PHLDB1: variants seen among roughly 807,000 people sequenced by gnomAD.
PHLDB1 encodes the protein pleckstrin homology-like domain family B member 1.
In PHLDB1, 65 loss-of-function variants were observed where a neutral mutation model predicts 139.3. The observed-to-expected ratio is 0.47, with a 90% CI of 0.38 to 0.57. The LOEUF is 0.57. Among genes scored for constraint, PHLDB1 ranks in the 20% least tolerant of loss-of-function variants. The probability of loss-of-function intolerance (pLI) is 0.00; values close to 1 mark genes in which losing one functional copy is unlikely to be tolerated. For missense variants in PHLDB1, 1,624 were observed against 1,839.7 expected, an observed-to-expected ratio of 0.88 and a Z score of 2.14; for synonymous variants, 679 against 734.5, an observed-to-expected ratio of 0.92 and a Z score of 1.22.
At chr11:118,607,070 G>C (rs534792601), upstream of PHLDB1, among the ~76,000 whole-genome samples, 6 of 152,156 alleles carry the variant, frequency 3.9e-5, no homozygotes, top group Admixed American at 6.5e-5. Flanking sequence ...AGGGCGAGGG[G>C]AGGAGGTGAC....
intron 1 of PHLDB1, among the ~76,000 whole-genome samples, chr11:118,612,919 G>A (rs1460106710): frequency 6.6e-6 from 1 of 152,150 alleles, no homozygotes; most frequent in African/African-American, 2.4e-5. Flanking sequence ...GGATGGGCAT[G>A]GGGGCATACA....
At chr11:118,623,769 T>C (rs1394428765) in intron 4 of PHLDB1, among the ~76,000 whole-genome samples, 2 of 152,096 alleles carry the variant, frequency 1.3e-5, no homozygotes, top group Non-Finnish European at 2.9e-5. Context: ...TGGAAGTTGC[T>C]GCCTCTCAGA....
chr11:118,639,215 C>T lies in PHLDB1; in HGVS notation c.2700C>T (p.Gly900=). 1 of 1,614,078 alleles carries T rather than the reference C, an allele frequency of 6.2e-7. No individual in the cohort carries two copies. Among genetic ancestry groups the T allele is most frequent in the African/African-American group, 1.3e-5 (1 of 75,056 alleles). Residue 900 remains glycine, a synonymous_variant, in exon 12 of 23, where the codon GGC becomes GGT. Coordinates refer to ENST00000600882, the MANE Select transcript of PHLDB1 (RefSeq NM_001144758.3). ...LERRYHSLTG[G]RPFPKTTSTL... ...GGAGATACCACTCACTCACAGGGGG[C>T]AGGCCTTTCCCGAAGACCACATCGA...
intron 4 of PHLDB1, among the ~76,000 whole-genome samples, chr11:118,623,707 C>CG (rs1482555069): frequency 6.6e-6 from 1 of 152,138 alleles, no homozygotes; most frequent in Non-Finnish European, 1.5e-5. Context: ...GTTCATCTGA[C>CG]TGATCCATGG....
chr11:118,649,028 C>T (rs1262026600), intron 18 of PHLDB1, among the ~76,000 whole-genome samples: 1 of 152,146 alleles, frequency 6.6e-6, no homozygotes, highest in Non-Finnish European at 1.5e-5. Flanking sequence ...TCTGTAATCC[C>T]AGCACTTTGG....
Position 118,628,519 on chromosome 11 carries a change from G to T in PHLDB1, c.1696G>T (p.Asp566Tyr). Residue 566 changes from aspartate to tyrosine, a missense_variant, in exon 6 of 23, where the codon GAC becomes TAC. Coordinates refer to ENST00000600882, the MANE Select transcript of PHLDB1 (RefSeq NM_001144758.3). ...PCVQRKLSSG[D>Y]LRVPVTRERK... Reference sequence around the variant, plus strand: ...TGTCCAGAGGAAGCTCTCCAGCGGGGACTTGCGGGTGCCTGTCACAAGGGA... The same window carrying T: ...TGTCCAGAGGAAGCTCTCCAGCGGGTACTTGCGGGTGCCTGTCACAAGGGA... 1.2e-6 allele frequency: 2 copies of T among 1,613,264 alleles called. No homozygotes were observed. Among genetic ancestry groups the T allele is most frequent in the Non-Finnish European group, 1.7e-6 (2 of 1,180,026 alleles).
Position 118,607,689 on chromosome 11 carries a change from C to A in PHLDB1, c.-32C>A, listed in dbSNP as rs4938515. 46,030 of 149,706 alleles carry A rather than the reference C, an allele frequency of 0.31. 7,721 individuals carry two copies. Among genetic ancestry groups the A allele is most frequent in the Admixed American group, 0.43 (6,455 of 15,082 alleles). 9.3% of individuals were successfully genotyped at this position (149,706 alleles called of 1,614,324 possible). ...GGGACCAGTGTCTCCCTGCCCCCCCCCCACCTCTAGGTAAGAGCGCCCCGT... is the reference window on the plus strand; with the variant it reads ...GGGACCAGTGTCTCCCTGCCCCCCCACCACCTCTAGGTAAGAGCGCCCCGT... On this transcript the variant is annotated 5_prime_UTR_variant, in exon 1 of 23. Coordinates refer to ENST00000600882, the MANE Select transcript of PHLDB1 (RefSeq NM_001144758.3).
intron 4 of PHLDB1, among the ~76,000 whole-genome samples, chr11:118,623,874 TTGTGTGTGTGTGTGTGTGTG>T (rs3222268): frequency 2.4e-4 from 34 of 141,286 alleles, no homozygotes; most frequent in African/African-American, 6.4e-4. Context: ...CTCTGAACAT[TTGTGTGTGTGTGTGTGTGTG>T]TGTGTGTGTG....
At chr11:118,639,331 C>A in intron 12 of PHLDB1, 80 bp downstream of exon 12, 1 of 987,742 alleles carries the variant, frequency 1.0e-6, no homozygotes, top group Non-Finnish European at 1.6e-6. Flanking sequence ...CACTTTCACC[C>A]CAGTAGCTGA....
At chr11:118,609,371 C>G (rs1356652919) in intron 1 of PHLDB1, among the ~76,000 whole-genome samples, 2 of 140,314 alleles carry the variant, frequency 1.4e-5, no homozygotes, top group Admixed American at 1.4e-4. Flanking sequence ...CTATCACACA[C>G]ACAGCTCAGC....
Position 118,645,112 on chromosome 11 carries a change from A to AC in PHLDB1, c.3122-243dup, listed in dbSNP as rs1195600509. ...TGGGTAGGTTTGGTGTCCTATATGGACTCAGGGTGCGAAAGAGCACTGAAG... is the reference window on the plus strand; with the variant it reads ...TGGGTAGGTTTGGTGTCCTATATGGACCTCAGGGTGCGAAAGAGCACTGAAG... On this transcript the variant is annotated intron_variant, in intron 15 of 22. Coordinates refer to ENST00000600882, the MANE Select transcript of PHLDB1 (RefSeq NM_001144758.3). This position sits in a 1 kb window ranked among gnomAD's most constrained non-coding sequence, Gnocchi z 5.1. 1 of 467,450 alleles carries AC rather than the reference A, an allele frequency of 2.1e-6. No homozygotes were observed. Among genetic ancestry groups the AC allele is most frequent in the East Asian group, 3.4e-5 (1 of 29,098 alleles). 29.0% of individuals were successfully genotyped at this position (467,450 alleles called of 1,614,324 possible).
Position 118,645,762 on chromosome 11 carries a change from C to G in PHLDB1, c.3444C>G (p.Ile1148Met), listed in dbSNP as rs139820418. The G allele has an allele frequency of 8.7e-6, 14 of 1,613,644 alleles. No individual in the cohort carries two copies. The South Asian group carries it at 1.1e-4, about 13-fold the overall frequency. The stretch of plus-strand genomic sequence containing the variant: ...CGAGTGGTCTGGACATGGGGAAGAT[C>G]GAGGAGATGGAGAAGATGCTGAAAG... ...SSASGLDMGK[I>M]EEMEKMLKEA... is the part of the protein sequence containing the mutation. Residue 1148 changes from isoleucine (I) to methionine (M), a missense_variant, in exon 17 of 23, where the codon ATC (isoleucine) becomes ATG (methionine). Ile to Met is a conservative substitution (Grantham distance 10, BLOSUM62 1). Coordinates refer to ENST00000600882, the MANE Select transcript of PHLDB1 (RefSeq NM_001144758.3). The surrounding 1 kb of genome is among the most constrained non-coding windows in gnomAD (Gnocchi z 5.1).
Position 118,643,904 on chromosome 11 carries a change from C to T in PHLDB1, c.2982C>T (p.Leu994=), listed in dbSNP as rs1241215328. The part of the protein sequence containing the change: ...SSGSSSSSSQ[L]SVATLGRSPS... ...GCTCTTCCTCCTCCTCCTCCCAGCT[C>T]AGCGTGGCTACCCTGGGGCGTAGCC... is the stretch of plus-strand genomic sequence containing the variant. Residue 994 remains leucine (L), a synonymous_variant, in exon 14 of 23, where the codon CTC becomes CTT. Transcript: ENST00000600882. The T allele has an allele frequency of 6.2e-7, 1 of 1,609,924 alleles. No homozygotes were observed. Among genetic ancestry groups the T allele is most frequent in the Non-Finnish European group, 8.5e-7 (1 of 1,178,026 alleles).
rs3016619 is a variant in PHLDB1 at position 118,611,832 on chromosome 11, A to T, written c.-21-1984A>T. ...AAACTCCGTCTCAAAAAAAAAAAAA[A>T]AATAATAATAATAATAATAAATGGC... On this transcript the variant is annotated intron_variant, in intron 1 of 22. Coordinates refer to ENST00000600882, the MANE Select transcript of PHLDB1 (RefSeq NM_001144758.3). This position sits in a 1 kb window ranked among gnomAD's most constrained non-coding sequence, Gnocchi z 4.7. 0.64 allele frequency among the ~76,000 whole-genome samples: 94,364 copies of T among 146,910 alleles called. 30,519 individuals carry two copies. Among genetic ancestry groups the T allele is most frequent in the East Asian group, 0.79 (3,990 of 5,074 alleles).
intron 4 of PHLDB1, among the ~76,000 whole-genome samples, chr11:118,617,770 T>TCAAG (rs1941952268): frequency 6.6e-6 from 1 of 152,044 alleles, no homozygotes; most frequent in Non-Finnish European, 1.5e-5. Flanking sequence ...TCTCTGACTT[T>TCAAG]GGATGAGAGG....
intron 4 of PHLDB1, among the ~76,000 whole-genome samples, chr11:118,623,626 A>G (rs1943246683): frequency 1.3e-5 from 2 of 152,132 alleles, no homozygotes; most frequent in South Asian, 4.1e-4. Flanking sequence ...GTCGCTCCCT[A>G]GACTTGCAGT....
At chr11:118,606,825 T>G (rs1939323256), upstream of PHLDB1, among the ~76,000 whole-genome samples, 1 of 152,196 alleles carries the variant, frequency 6.6e-6, no homozygotes, top group East Asian at 1.9e-4. Flanking sequence ...GTGTGCTCAA[T>G]TGTATGTCTA....
rs1260543630 is a variant in PHLDB1 at position 118,608,021 on chromosome 11, A to C, written c.-22+322A>C. On this transcript the variant is annotated intron_variant, in intron 1 of 22. Transcript: ENST00000600882. This position sits in a 1 kb window ranked among gnomAD's most constrained non-coding sequence, Gnocchi z 6.7. ...TATCCAGACTCTCCCGCCGGCACCC[A>C]GGCGGCCGGGCGGACACTCGCGGGG... is the stretch of plus-strand genomic sequence containing the variant. Among the ~76,000 whole-genome samples, 1 of 151,920 alleles carries C rather than the reference A, an allele frequency of 6.6e-6. No homozygotes were observed. Among genetic ancestry groups the C allele is most frequent in the Non-Finnish European group, 1.5e-5 (1 of 67,954 alleles).
At chr11:118,627,163 C>A in intron 5 of PHLDB1, 142 bp from the exon 6 acceptor site, 1 of 767,686 alleles carries the variant, frequency 1.3e-6, no homozygotes, top group South Asian at 1.7e-5. Context: ...AGTGGCAGAG[C>A]TAGCTGGTAC....
Sources: gnomAD v4.1 joint callset for allele counts (sites outside exome capture counted in the v4.1 genomes callset) on GRCh38, gnomAD v4.1.1 for gene constraint, Gnocchi (gnomAD v3.1) non-coding constraint, MANE v1.5 for transcripts, NCBI Gene and HGNC (gene_info 2026-07-23, HGNC 2026-07-21) for gene names.